Variants in RTRAF observed in about 807,000 individuals in gnomAD.
The protein encoded by RTRAF is RNA transcription, translation and transport factor, also known as tRNA-splicing ligase complex subunit RTRAF.
A neutral mutation model predicts 34.4 loss-of-function variants in RTRAF; 14 were observed. The observed-to-expected ratio is 0.41, with a 90% confidence interval of 0.27 to 0.64. RTRAF has a LOEUF of 0.64. Ranked by LOEUF, RTRAF falls within the 30% of genes least tolerant of loss-of-function variation. The pLI, the probability that RTRAF is intolerant of heterozygous loss-of-function variation, is 0.34. For missense variants in RTRAF, 291 were observed against 288.4 expected (o/e 1.01, Z -0.06); for synonymous variants, 96 against 95.3 (o/e 1.01, Z -0.04).
chr14:52,004,911 G>GTGCCTCTATA lies in RTRAF; in HGVS notation c.*395_*396insTGCCTCTATA, dbSNP rs1890697012. 1 of 161,840 alleles carries GTGCCTCTATA rather than the reference G, an allele frequency of 6.2e-6. No individual in the cohort carries two copies. Among genetic ancestry groups the GTGCCTCTATA allele is most frequent in the African/African-American group, 2.4e-5 (1 of 41,752 alleles). 10.0% of individuals were successfully genotyped at this position (161,840 alleles called of 1,614,324 possible). A position where few individuals can be genotyped will look rare whatever the true frequency, so the allele number is the denominator to read the frequency against. The stretch of plus-strand genomic sequence containing the variant: ...TTTACTTTCTGTGGGTACTTCTATA[G>GTGCCTCTATA]AGGCACTACAGGATCAGAAAATGCA... On this transcript the variant is annotated 3_prime_UTR_variant, in exon 8 of 8. Coordinates refer to ENST00000261700, the MANE Select transcript of RTRAF (RefSeq NM_016039.3).
rs1890470381 is a variant in RTRAF, at chr14:51,993,626, A to G, written c.187-97A>G. ...AGTAATGTTATTAAAAAATTGTTAG[A>G]GATCCAAACTAAGGTCTCTTTCAAC... On this transcript the variant is annotated intron_variant, in intron 2 of 7. Transcript: ENST00000261700. The G allele has an allele frequency of 4.3e-5, 30 of 700,288 alleles. No homozygotes were observed. The South Asian group carries it at 5.3e-4, about 12-fold the overall frequency. The allele number at this position is 700,288 out of a possible 1,614,324, so 43.4% of individuals were successfully genotyped here.
rs576928359 is a variant in RTRAF at position 52,006,889 on chromosome 14, C to G, written c.*2373C>G. 6.6e-5 allele frequency: 24 copies of G among 361,864 alleles called. No homozygotes were observed. The highest frequency in any genetic ancestry group is 1.2e-4 in the Non-Finnish European group (23 of 196,970). The allele number at this position is 361,864 out of a possible 1,614,324, so 22.4% of individuals were successfully genotyped here. On this transcript the variant is annotated 3_prime_UTR_variant, in exon 8 of 8. Coordinates refer to ENST00000261700, the MANE Select transcript of RTRAF (RefSeq NM_016039.3). ...AAGACAGGATTGCATTTACTGAAAT[C>G]TGGTAAGTTTCTGCCAAAGTAGGGC...
At position 52,005,876 on chromosome 14, in the gene RTRAF, C is replaced by G. The variant is rs1594992782; in HGVS notation, c.*1360C>G. ...TGGTAACAGAAAGGAAGAGTGAATTCAGGGACAGTCATTTACTAGATAAAG... is the reference window on the plus strand; with the variant it reads ...TGGTAACAGAAAGGAAGAGTGAATTGAGGGACAGTCATTTACTAGATAAAG... On this transcript the variant is annotated 3_prime_UTR_variant, in exon 8 of 8. Transcript: ENST00000261700. 1 of 1,505,982 alleles carries G rather than the reference C, an allele frequency of 6.6e-7. No homozygotes were observed. The highest frequency in any genetic ancestry group is 1.7e-5 in the Admixed American group (1 of 58,984). The allele number at this position is 1,505,982 out of a possible 1,614,324, so 93.3% of individuals were successfully genotyped here.
In RTRAF at chr14:52,004,636, T is replaced by G. The variant is rs1184663429; in HGVS notation, c.*120T>G. ...AGGAAGCCCAGAAAATTGGGTATGT[T>G]CTAGAGATTTACCACCATTGCTTAT... On this transcript the variant is annotated 3_prime_UTR_variant, in exon 8 of 8. Transcript: ENST00000261700. 1.1e-6 allele frequency: 1 copy of G among 950,986 alleles called. No homozygotes were observed. The highest frequency in any genetic ancestry group is 2.5e-5 in the East Asian group (1 of 39,744). The allele number at this position is 950,986 out of a possible 1,614,324, so 58.9% of individuals were successfully genotyped here. A position where few individuals can be genotyped will look rare whatever the true frequency, so the allele number is the denominator to read the frequency against.
In RTRAF at chr14:52,004,157, CCA is replaced by C. The variant is rs752986966; in HGVS notation, c.532-36_532-35del. The C allele has an allele frequency of 1.3e-5, 20 of 1,559,408 alleles. No homozygotes were observed. The South Asian group carries it at 2.0e-4, about 16-fold the overall frequency. On this transcript the variant is annotated intron_variant, in intron 6 of 7. Transcript: ENST00000261700. ...GTTGAGGAAAGGATGCTATTCTTAA[CCA>C]TAAATACTCTCATTTTGTCTTTCTT...
rs139809619 is a variant in RTRAF, at chr14:52,002,652, G to A, written c.531+786G>A. ...CCTAAAGTTTCACTGGCTGTGCAGCGGTGGAGAGACTGTCCTCAGGTCAGC... is the reference window on the plus strand; with the variant it reads ...CCTAAAGTTTCACTGGCTGTGCAGCAGTGGAGAGACTGTCCTCAGGTCAGC... On this transcript the variant is annotated intron_variant, in intron 6 of 7. Transcript: ENST00000261700. Among the ~76,000 whole-genome samples the A allele has an allele frequency of 1.1e-3, 169 of 152,294 alleles. 1 individual carries two copies. Among genetic ancestry groups the A allele is most frequent in the Middle Eastern group, 3.4e-3 (1 of 294 alleles).
chr14:51,993,185 ATTACATATAATTAATG>A (rs1594984754), intron 2 of RTRAF, among the ~76,000 whole-genome samples: 1 of 152,124 alleles, frequency 6.6e-6, no homozygotes, highest in East Asian at 1.9e-4. Context: ...ATAATCTTAT[ATTACATATAATTAATG>A]TTACATATAA....
chr14:51,989,552 C>A lies in RTRAF; in HGVS notation c.-88C>A. ...GACTCAGCGCCTGCCCGCCCTCTCG[C>A]CGCGTCGCCGGTGCCTGCGCCTCCC... On this transcript the variant is annotated 5_prime_UTR_variant, in exon 1 of 8. Coordinates refer to ENST00000261700, the MANE Select transcript of RTRAF (RefSeq NM_016039.3). 7.0e-7 allele frequency: 1 copy of A among 1,418,692 alleles called. No homozygotes were observed. The highest frequency in any genetic ancestry group is 9.6e-7 in the Non-Finnish European group (1 of 1,038,800). The allele number at this position is 1,418,692 out of a possible 1,614,324, so 87.9% of individuals were successfully genotyped here.
chr14:51,989,953 A>G (rs1013314306), intron 1 of RTRAF, among the ~76,000 whole-genome samples: 6 of 152,040 alleles, frequency 3.9e-5, no homozygotes, highest in African/African-American at 1.2e-4. Context: ...TCACGTAACT[A>G]CCTTCTCTGT....
At chr14:52,002,903 A>T (rs544146967) in intron 6 of RTRAF, among the ~76,000 whole-genome samples, 2 of 152,220 alleles carry the variant, frequency 1.3e-5, no homozygotes, top group Admixed American at 1.3e-4. Context: ...GGCTCGTTGT[A>T]TATGAATCGA....
chr14:51,994,920 C>A (rs562730390), intron 3 of RTRAF, among the ~76,000 whole-genome samples: 21 of 151,808 alleles, frequency 1.4e-4, no homozygotes, highest in Non-Finnish European at 1.3e-4. Flanking sequence ...GGCTAATATA[C>A]CATTTCATTC....
In RTRAF at chr14:51,996,430, A is replaced by G. The variant is rs187196120; in HGVS notation, c.287-2064A>G. Reference sequence around the variant, plus strand: ...GCTGAAACCATTGTGAGTTTTTATTATTTGCGCTCTACTATTTTTTGAAGC... The same window carrying G: ...GCTGAAACCATTGTGAGTTTTTATTGTTTGCGCTCTACTATTTTTTGAAGC... On this transcript the variant is annotated intron_variant, in intron 3 of 7. Transcript: ENST00000261700. Among the ~76,000 whole-genome samples the G allele has an allele frequency of 7.2e-5, 11 of 152,176 alleles. No homozygotes were observed. In the East Asian group the frequency reaches 2.1e-3, roughly 29 times the overall value.
chr14:52,000,962 G>T (rs1443363653), intron 5 of RTRAF, among the ~76,000 whole-genome samples: 1 of 152,118 alleles, frequency 6.6e-6, no homozygotes, highest in Non-Finnish European at 1.5e-5. Flanking sequence ...CTGCACATTT[G>T]TCCCTTTTGA....
intron 6 of RTRAF, among the ~76,000 whole-genome samples, chr14:52,003,797 G>T (rs1890651390): frequency 6.6e-6 from 1 of 152,158 alleles, no homozygotes; most frequent in Non-Finnish European, 1.5e-5. Flanking sequence ...GCTCAGAAAT[G>T]GAATATAAGG....
At chr14:51,996,717 T>C (rs1890526973) in intron 3 of RTRAF, among the ~76,000 whole-genome samples, 1 of 152,014 alleles carries the variant, frequency 6.6e-6, no homozygotes, top group Non-Finnish European at 1.5e-5. Context: ...AACTTTGTCT[T>C]ATATAACCAC....
At chr14:51,993,936 TA>T (rs1566731711) in intron 3 of RTRAF, 114 bp downstream of exon 3, 1 of 586,246 alleles carries the variant, frequency 1.7e-6, no homozygotes, top group Non-Finnish European at 2.9e-6. Flanking sequence ...ACCTTTGGTT[TA>T]TTCTTATCAC....
At position 51,992,202 on chromosome 14, in the gene RTRAF, C is replaced by T. The variant is rs1310474230; in HGVS notation, c.186+761C>T. Among the ~76,000 whole-genome samples, 32 of 152,122 alleles carry T rather than the reference C, an allele frequency of 2.1e-4. 1 individual carries two copies. Among genetic ancestry groups the T allele is most frequent in the Admixed American group, 2.1e-3 (32 of 15,268 alleles). ...ACACTTTTGCATAAAAAAGAATTCT[C>T]AGATTAGAATAAAAATGCTTTTAGT... On this transcript the variant is annotated intron_variant, in intron 2 of 7. Transcript: ENST00000261700.
chr14:52,002,228 A>C (rs187385590), intron 6 of RTRAF, among the ~76,000 whole-genome samples: 6 of 152,306 alleles, frequency 3.9e-5, no homozygotes, highest in African/African-American at 1.4e-4. Context: ...ACCTCACTAC[A>C]AATTAGTTTT....
rs1890773918 is a variant in RTRAF at position 52,006,177 on chromosome 14, G to A, written c.*1661G>A. The A allele has an allele frequency of 2.5e-6, 1 of 400,808 alleles. No homozygotes were observed. The highest frequency in any genetic ancestry group is 3.7e-5 in the Admixed American group (1 of 26,924). 24.8% of individuals were successfully genotyped at this position (400,808 alleles called of 1,614,324 possible). On this transcript the variant is annotated 3_prime_UTR_variant, in exon 8 of 8. Coordinates refer to ENST00000261700, the MANE Select transcript of RTRAF (RefSeq NM_016039.3). ...GTCCCTCAGACAATATGTCCACAGT[G>A]TCAAAAGCCAACTTAAGCCCTGTAA...
Sources: allele counts gnomAD v4.1 joint callset (sites outside exome capture counted in the v4.1 genomes callset), GRCh38; gene constraint gnomAD v4.1.1; transcripts MANE v1.5; gene names NCBI Gene and HGNC (gene_info 2026-07-23, HGNC 2026-07-21).